Variants in CSRP3 observed in about 807,000 individuals in gnomAD.
The protein encoded by CSRP3 is cysteine and glycine-rich protein 3.
Under a neutral mutation model 24.3 loss-of-function variants are expected in CSRP3, and 24 were observed. The observed-to-expected ratio is 0.99, with a 90% confidence interval of 0.71 to 1.39. The LOEUF (loss-of-function observed/expected upper bound fraction) is 1.39. Ranked by LOEUF, CSRP3 falls within the 40% of genes most tolerant of loss-of-function variation. CSRP3 has a pLI of 0.00. For synonymous variants in CSRP3, 105 were observed against 94.0 expected, an observed-to-expected ratio of 1.12 and a Z score of -0.68; for missense variants, 240 against 249.0, an observed-to-expected ratio of 0.96 and a Z score of 0.24.
At chr11:19,192,552 T>C in intron 1 of CSRP3, 76 bp from the exon 2 acceptor site, 1 of 911,642 alleles carries the variant, frequency 1.1e-6, no homozygotes, top group Non-Finnish European at 1.8e-6. Context: ...TGCAGTGGTC[T>C]GAAGACCAGG....
rs375337983 is a variant in CSRP3 at position 19,184,838 on chromosome 11, AG to A, written c.508+113del. ...TGAGAACCCAACGCTGCCCAGGCTG[AG>A]CAGCCATACCTCCTGGAAGACACGG... On this transcript the variant is annotated intron_variant, in intron 5 of 5. Transcript: ENST00000265968. 1,420 of 826,820 alleles carry A rather than the reference AG, an allele frequency of 1.7e-3. 13 individuals carry two copies. The African/African-American group carries it at 0.02, about 12-fold the overall frequency. 51.2% of individuals were successfully genotyped at this position (826,820 alleles called of 1,614,324 possible).
chr11:19,192,371 A>G lies in CSRP3; in HGVS notation c.78T>C (p.Asn26=). The change falls in exon 2 of 6, where the codon AAT becomes AAC. Residue 26 remains asparagine (N), a synonymous_variant. Coordinates refer to ENST00000265968, the MANE Select transcript of CSRP3 (RefSeq NM_003476.5). ...AACACGTCTTGTGGAAACTCCTTCCATTGCACTGGATTTCTTCTGCATGGT... is the reference window on the plus strand; with the variant it reads ...AACACGTCTTGTGGAAACTCCTTCCGTTGCACTGGATTTCTTCTGCATGGT... ...TVYHAEEIQC[N]GRSFHKTCFH... 1 of 1,614,166 alleles carries G rather than the reference A, an allele frequency of 6.2e-7. No homozygotes were observed. Among genetic ancestry groups the G allele is most frequent in the South Asian group, 1.1e-5 (1 of 91,084 alleles).
chr11:19,195,296 G>A (rs1850682524), intron 1 of CSRP3, among the ~76,000 whole-genome samples: 2 of 152,100 alleles, frequency 1.3e-5, no homozygotes, highest in South Asian at 4.1e-4. Context: ...GGCTGGAATA[G>A]ATTTTTAAGA....
At chr11:19,196,660 C>T (rs376512566) in intron 1 of CSRP3, 17 of 152,292 alleles carry the variant, frequency 1.1e-4, no homozygotes, top group African/African-American at 4.1e-4. Context: ...CTGGTACTGG[C>T]AAGGGTCATT....
chr11:19,198,780 G>A (rs1850786030), intron 1 of CSRP3, among the ~76,000 whole-genome samples: 3 of 152,142 alleles, frequency 2.0e-5, no homozygotes, highest in Admixed American at 2.0e-4. Context: ...TTGAACACTG[G>A]GCAAGTTGCT....
chr11:19,182,717 C>A lies in CSRP3; in HGVS notation c.538G>T (p.Gly180Cys), dbSNP rs547374738. 87 of 1,614,142 alleles carry A rather than the reference C, an allele frequency of 5.4e-5. 1 individual carries two copies. In the South Asian group the frequency reaches 9.1e-4, roughly 17 times the overall value. Residue 180 changes from glycine to cysteine, a missense_variant, in exon 6 of 6, where the codon GGT (glycine) becomes TGT (cysteine). Coordinates refer to ENST00000265968, the MANE Select transcript of CSRP3 (RefSeq NM_003476.5). ...VCYAKNFGPT[G>C]IGFGGLTQQV... Reference sequence around the variant, plus strand: ...TGTGTAAGGCCTCCAAACCCAATACCCGTGGGGCCAAAATTTTTGGCATAG... The same window carrying A: ...TGTGTAAGGCCTCCAAACCCAATACACGTGGGGCCAAAATTTTTGGCATAG...
intron 1 of CSRP3, among the ~76,000 whole-genome samples, chr11:19,192,763 A>G (rs1850637008): frequency 6.6e-6 from 1 of 152,208 alleles, no homozygotes; most frequent in Non-Finnish European, 1.5e-5. Context: ...AGGAATGAAT[A>G]GGCTAATTTC....
At position 19,182,489 on chromosome 11, in the gene CSRP3, T is replaced by G; in HGVS notation, c.*181A>C. 1.5e-6 allele frequency: 1 copy of G among 652,810 alleles called. No individual in the cohort carries two copies. The highest frequency in any genetic ancestry group is 2.8e-6 in the Non-Finnish European group (1 of 360,724). The allele number at this position is 652,810 out of a possible 1,614,324, so 40.4% of individuals were successfully genotyped here. On this transcript the variant is annotated 3_prime_UTR_variant, in exon 6 of 6. Coordinates refer to ENST00000265968, the MANE Select transcript of CSRP3 (RefSeq NM_003476.5). ...ATAAAGCATTTGTTATAGATTAAACTTTACATAATTTTCTTCCAAAGGCCT... is the reference window on the plus strand; with the variant it reads ...ATAAAGCATTTGTTATAGATTAAACGTTACATAATTTTCTTCCAAAGGCCT...
At chr11:19,191,639 TGTGAGAAATGACTTATCGA>T (rs1486178379) in intron 2 of CSRP3, among the ~76,000 whole-genome samples, 5 of 152,162 alleles carry the variant, frequency 3.3e-5, no homozygotes, top group African/African-American at 1.2e-4. Context: ...CGGGCTTAGA[TGTGAGAAATGACTTATCGA>T]AAGTCACGTG....
At chr11:19,185,084 G>A (rs1387603310) in intron 4 of CSRP3, 39 bp from the exon 5 acceptor site, 1 of 1,441,752 alleles carries the variant, frequency 6.9e-7, no homozygotes, top group Non-Finnish European at 9.8e-7. Flanking sequence ...AATGAGGTAG[G>A]CAACACATTC....
intron 2 of CSRP3, among the ~76,000 whole-genome samples, chr11:19,191,167 CT>C (rs1180618889): frequency 6.6e-6 from 1 of 152,158 alleles, no homozygotes; most frequent in African/African-American, 2.4e-5. Flanking sequence ...GTGAAATGAC[CT>C]GCCCAAAATC....
chr11:19,182,561 T>C lies in CSRP3; in HGVS notation c.*109A>G, dbSNP rs1850452788. The C allele has an allele frequency of 1.1e-6, 1 of 939,420 alleles. No individual in the cohort carries two copies. Among genetic ancestry groups the C allele is most frequent in the African/African-American group, 1.6e-5 (1 of 61,876 alleles). The allele number at this position is 939,420 out of a possible 1,614,324, so 58.2% of individuals were successfully genotyped here. A position where few individuals can be genotyped will look rare whatever the true frequency, so the allele number is the denominator to read the frequency against. ...CTGATCACTTCTGAGGAGAAACACA[T>C]AATGTACGACTACAAAGGAGAGGCT... On this transcript the variant is annotated 3_prime_UTR_variant, in exon 6 of 6. Coordinates refer to ENST00000265968, the MANE Select transcript of CSRP3 (RefSeq NM_003476.5).
intron 5 of CSRP3, among the ~76,000 whole-genome samples, chr11:19,184,310 T>A (rs1850488440): frequency 6.6e-6 from 1 of 152,134 alleles, no homozygotes; most frequent in Non-Finnish European, 1.5e-5. Flanking sequence ...CCCTAGTGCA[T>A]TCCTTCCTTT....
intron 1 of CSRP3, among the ~76,000 whole-genome samples, chr11:19,197,546 T>TCTTTCTTTCTTTCTTTCTTG: frequency 7.2e-6 from 1 of 139,232 alleles, no homozygotes; most frequent in Non-Finnish European, 1.5e-5. Context: ...TTTCTTTCTT[T>TCTTTCTTTCTTTCTTTCTTG]CTTTCTTTCT....
intron 1 of CSRP3, among the ~76,000 whole-genome samples, chr11:19,199,803 C>T (rs914006181): frequency 1.3e-5 from 2 of 152,212 alleles, no homozygotes; most frequent in Admixed American, 6.5e-5. Context: ...TGTCTCCCTT[C>T]CTGCCATTCT....
intron 4 of CSRP3, among the ~76,000 whole-genome samples, chr11:19,185,946 T>A (rs1850518296): frequency 6.6e-6 from 1 of 152,106 alleles, no homozygotes; most frequent in African/African-American, 2.4e-5. Context: ...GGGCTTTTGC[T>A]TTGTATCCCA....
At chr11:19,193,480 A>G (rs2133517763) in intron 1 of CSRP3, among the ~76,000 whole-genome samples, 1 of 152,328 alleles carries the variant, frequency 6.6e-6, no homozygotes, top group African/African-American at 2.4e-5. Context: ...ACAGGATTAC[A>G]TTTAAGAGAT....
At chr11:19,183,914 G>A (rs553077228) in intron 5 of CSRP3, among the ~76,000 whole-genome samples, 4 of 152,300 alleles carry the variant, frequency 2.6e-5, no homozygotes, top group Non-Finnish European at 4.4e-5. Context: ...AGCCTCACGA[G>A]ATCTGATGGT....
intron 1 of CSRP3, among the ~76,000 whole-genome samples, chr11:19,201,217 T>C (rs1418785993): frequency 8.5e-5 from 13 of 152,254 alleles, no homozygotes; most frequent in Non-Finnish European, 1.9e-4. Flanking sequence ...TCCTCCCATT[T>C]AATAGAGCTT....
Sources: gnomAD v4.1 joint callset for allele counts (sites outside exome capture counted in the v4.1 genomes callset) on GRCh38, gnomAD v4.1.1 for gene constraint, MANE v1.5 for transcripts, NCBI Gene and HGNC (gene_info 2026-07-23, HGNC 2026-07-21) for gene names.